Variants in PITPNM3 observed in about 807,000 individuals in gnomAD.
PITPNM3 encodes membrane-associated phosphatidylinositol transfer protein 3.
In PITPNM3, 26 loss-of-function variants were observed where a neutral mutation model predicts 102.0. The ratio of observed to expected loss-of-function variants is 0.25; its 90% CI spans 0.19 to 0.35. The LOEUF (loss-of-function observed/expected upper bound fraction) is 0.35, where lower values mean the gene tolerates loss of function less well. Ranked by LOEUF, PITPNM3 falls within the 10% of genes least tolerant of loss-of-function variation. The probability of loss-of-function intolerance (pLI) is 1.00; values close to 1 mark genes in which losing one functional copy is unlikely to be tolerated. For synonymous variants in PITPNM3, 578 were observed against 558.6 expected (o/e 1.03, Z -0.49); for missense variants, 1,083 against 1,346.1 (o/e 0.80, Z 3.06).
intron 2 of PITPNM3, among the ~76,000 whole-genome samples, chr17:6,533,000 T>C (rs904058435): frequency 8.5e-5 from 13 of 152,186 alleles, no homozygotes; most frequent in Non-Finnish European, 5.9e-5. Flanking sequence ...TTCCCTCTTG[T>C]TGCGCAGGCT....
chr17:6,477,006 G>T, intron 9 of PITPNM3, 23 bp downstream of exon 9: 1 of 1,613,120 alleles, frequency 6.2e-7, no homozygotes, highest in Non-Finnish European at 8.5e-7. Context: ...AGGTCTTCTT[G>T]CTTCTGGACA....
intron 2 of PITPNM3, among the ~76,000 whole-genome samples, chr17:6,531,929 C>A (rs766632802): frequency 3.9e-4 from 59 of 152,200 alleles, no homozygotes; most frequent in Admixed American, 6.5e-4. Flanking sequence ...ATGGTGAAAC[C>A]CCATCTCTAC....
At chr17:6,488,141 C>T (rs1293986617) in intron 4 of PITPNM3, among the ~76,000 whole-genome samples, 1 of 152,126 alleles carries the variant, frequency 6.6e-6, no homozygotes, top group Non-Finnish European at 1.5e-5. Context: ...CAGGGGCAGC[C>T]GTAGGCTACC....
chr17:6,471,045 A>T, intron 12 of PITPNM3, 116 bp downstream of exon 12: 1 of 1,252,160 alleles, frequency 8.0e-7, no homozygotes, highest in Non-Finnish European at 1.1e-6. Context: ...GACTTCCTTC[A>T]CCTTCTCCCT....
intron 4 of PITPNM3, among the ~76,000 whole-genome samples, chr17:6,501,667 C>A (rs755663282): frequency 1.3e-5 from 2 of 152,282 alleles, no homozygotes; most frequent in South Asian, 4.1e-4. Flanking sequence ...CTGCCCACCA[C>A]CTCCCTGGGC....
Position 6,478,428 on chromosome 17 carries a change from G to A in PITPNM3, c.777+119C>T. On this transcript the variant is annotated intron_variant, in intron 7 of 19. Coordinates refer to ENST00000262483, the MANE Select transcript of PITPNM3 (RefSeq NM_031220.4). The surrounding 1 kb of genome is among the most constrained non-coding windows in gnomAD (Gnocchi z 4.4). ...CTCAGAGATCTCAAAAGCCACCTTT[G>A]GGCTCAGAGGCTGATTCGAGAACAG... 2 of 1,308,374 alleles carry A rather than the reference G, an allele frequency of 1.5e-6. No homozygotes were observed. The highest frequency in any genetic ancestry group is 2.2e-6 in the Non-Finnish European group (2 of 929,540). 81.0% of individuals were successfully genotyped at this position (1,308,374 alleles called of 1,614,324 possible). A position where few individuals can be genotyped will look rare whatever the true frequency, so the allele number is the denominator to read the frequency against.
intron 16 of PITPNM3, 29 bp from the exon 17 acceptor site, chr17:6,463,910 T>A: frequency 6.2e-7 from 1 of 1,612,912 alleles, no homozygotes; most frequent in South Asian, 1.1e-5. Flanking sequence ...TGGTCAGCCG[T>A]GAGGTCAGGG....
intron 2 of PITPNM3, among the ~76,000 whole-genome samples, chr17:6,535,227 G>A (rs1390534170): frequency 2.6e-5 from 4 of 150,952 alleles, no homozygotes; most frequent in Non-Finnish European, 5.9e-5. Flanking sequence ...GTTCAGCCTG[G>A]GCTGGAGAGC....
intron 9 of PITPNM3, among the ~76,000 whole-genome samples, chr17:6,476,172 A>C (rs943688906): frequency 6.6e-6 from 1 of 152,076 alleles, no homozygotes; most frequent in South Asian, 2.1e-4. Flanking sequence ...TTTTTAAAAT[A>C]AAACGATCTT....
At chr17:6,509,656 C>A (rs1907754055) in intron 3 of PITPNM3, among the ~76,000 whole-genome samples, 1 of 151,902 alleles carries the variant, frequency 6.6e-6, no homozygotes, top group South Asian at 2.1e-4. Context: ...GCCTCCCCTG[C>A]ATGCTCCTCC....
At chr17:6,506,812 C>T (rs1907540428) in intron 3 of PITPNM3, among the ~76,000 whole-genome samples, 1 of 152,204 alleles carries the variant, frequency 6.6e-6, no homozygotes, top group Non-Finnish European at 1.5e-5. Context: ...CCCCCTCCTG[C>T]CAGCCACTGG....
At chr17:6,471,876 C>T (rs9902254) in intron 11 of PITPNM3, among the ~76,000 whole-genome samples, 46,817 of 151,946 alleles carry the variant, frequency 0.31, 7,833 homozygotes, top group Middle Eastern at 0.49. Context: ...CCAGCCTAGC[C>T]GACCTATTGA....
chr17:6,544,000 G>A (rs1338758270), intron 1 of PITPNM3, among the ~76,000 whole-genome samples: 1 of 152,212 alleles, frequency 6.6e-6, no homozygotes, highest in Non-Finnish European at 1.5e-5. Flanking sequence ...GGGCACATGG[G>A]TGTCTGCTGG....
chr17:6,550,064 G>A (rs1285195205), intron 1 of PITPNM3, among the ~76,000 whole-genome samples: 1 of 152,220 alleles, frequency 6.6e-6, no homozygotes, highest in African/African-American at 2.4e-5. Flanking sequence ...GAAAGAGCCT[G>A]AAGCTCATCC....
At chr17:6,474,746 C>T in intron 9 of PITPNM3, 142 bp from the exon 10 acceptor site, 2 of 1,018,836 alleles carry the variant, frequency 2.0e-6, no homozygotes, top group African/African-American at 1.6e-5. Flanking sequence ...AGTCCACCGG[C>T]TGCACACCAC....
intron 1 of PITPNM3, among the ~76,000 whole-genome samples, chr17:6,542,541 G>C (rs918379546): frequency 6.6e-6 from 1 of 152,222 alleles, no homozygotes; most frequent in Non-Finnish European, 1.5e-5. Flanking sequence ...ACACAAATCT[G>C]GGTGCAGTGT....
chr17:6,550,655 C>T (rs558879356), intron 1 of PITPNM3, among the ~76,000 whole-genome samples: 16 of 152,344 alleles, frequency 1.1e-4, no homozygotes, highest in African/African-American at 3.8e-4. Flanking sequence ...AGTCTCATAA[C>T]ATATGAAGAT....
At chr17:6,535,983 G>C (rs1909400313) in intron 2 of PITPNM3, among the ~76,000 whole-genome samples, 1 of 151,080 alleles carries the variant, frequency 6.6e-6, no homozygotes, top group South Asian at 2.1e-4. Flanking sequence ...AGAATTGCTT[G>C]AACCCAGGAG....
At position 6,455,238 on chromosome 17, in the gene PITPNM3, A is replaced by G; in HGVS notation, c.*100T>C. On this transcript the variant is annotated 3_prime_UTR_variant, in exon 20 of 20. Coordinates refer to ENST00000262483, the MANE Select transcript of PITPNM3 (RefSeq NM_031220.4). ...TGCTGGACAGACACGGGAGGGAAAA[A>G]GCAGGAAAACGCCTGTGTCGGGGAG... 1.4e-6 allele frequency: 2 copies of G among 1,393,966 alleles called. No homozygotes were observed. The highest frequency in any genetic ancestry group is 1.9e-6 in the Non-Finnish European group (2 of 1,046,096). The allele number at this position is 1,393,966 out of a possible 1,614,324, so 86.3% of individuals were successfully genotyped here.
Sources: allele counts gnomAD v4.1 joint callset (sites outside exome capture counted in the v4.1 genomes callset), GRCh38; gene constraint gnomAD v4.1.1; non-coding constraint Gnocchi (gnomAD v3.1); transcripts MANE v1.5; gene names NCBI Gene and HGNC (gene_info 2026-07-23, HGNC 2026-07-21).